SEMA3A: variants seen among roughly 807,000 people sequenced by gnomAD.
The protein encoded by SEMA3A is semaphorin 3A.
A neutral mutation model predicts 97.9 loss-of-function variants in SEMA3A; 29 were observed. The observed-to-expected ratio is 0.30, with a 90% CI of 0.22 to 0.40. The LOEUF (loss-of-function observed/expected upper bound fraction) is 0.40, where lower values mean the gene tolerates loss of function less well. Ranked by LOEUF, SEMA3A falls within the 10% of genes least tolerant of loss-of-function variation. The pLI is 1.00. For missense variants in SEMA3A, 763 were observed against 951.3 expected (o/e 0.80, Z 2.60); for synonymous variants, 321 against 323.7 (o/e 0.99, Z 0.09).
intron 3 of SEMA3A, among the ~76,000 whole-genome samples, chr7:84,256,298 AT>A (rs1353964081): frequency 2.6e-5 from 4 of 152,060 alleles, no homozygotes; most frequent in African/African-American, 9.7e-5. Context: ...AAGTTACATC[AT>A]TATTTAAAAG....
intron 2 of SEMA3A, among the ~76,000 whole-genome samples, chr7:84,347,103 A>C (rs1271578318): frequency 1.3e-5 from 2 of 152,234 alleles, no homozygotes; most frequent in African/African-American, 4.8e-5. Flanking sequence ...ACAAAATTGT[A>C]TAACTGCTTT....
intron 1 of SEMA3A, among the ~76,000 whole-genome samples, chr7:84,408,400 C>T (rs1299031908): frequency 1.3e-5 from 2 of 151,712 alleles, no homozygotes; most frequent in African/African-American, 4.8e-5. Flanking sequence ...ACAACAGGTG[C>T]TGGAGAGGAT....
chr7:84,399,609 TC>T, intron 1 of SEMA3A, among the ~76,000 whole-genome samples: 1 of 152,254 alleles, frequency 6.6e-6, no homozygotes, highest in African/African-American at 2.4e-5. Flanking sequence ...CCAGGGAGAA[TC>T]CCAAAGCCCC....
At chr7:84,373,089 A>T (rs1803011490) in intron 1 of SEMA3A, among the ~76,000 whole-genome samples, 1 of 152,188 alleles carries the variant, frequency 6.6e-6, no homozygotes, top group African/African-American at 2.4e-5. Context: ...TTTCAAAAGA[A>T]TGATGAAAAA....
At position 84,067,545 on chromosome 7, in the gene SEMA3A, G is replaced by T. The variant is rs530637328; in HGVS notation, c.454-6987C>A. On this transcript the variant is annotated intron_variant, in intron 4 of 16. Coordinates refer to ENST00000265362, the MANE Select transcript of SEMA3A (RefSeq NM_006080.3). ...TCATCTGACAAAGGGCTAATATCCA[G>T]AATCTACATTGAACTCAAACAAATT... Among the ~76,000 whole-genome samples the T allele has an allele frequency of 5.9e-3, 900 of 152,026 alleles. 5 individuals carry two copies. The highest frequency in any genetic ancestry group is 0.031 in the Middle Eastern group (9 of 292).
chr7:84,063,794 T>G (rs1408266566), intron 4 of SEMA3A, among the ~76,000 whole-genome samples: 9 of 149,366 alleles, frequency 6.0e-5, no homozygotes, highest in Admixed American at 6.0e-4. Flanking sequence ...TACGTCTGAT[T>G]GGTGTACCTG....
intron 2 of SEMA3A, among the ~76,000 whole-genome samples, chr7:84,348,851 G>T (rs532922589): frequency 1.3e-5 from 2 of 152,236 alleles, no homozygotes; most frequent in East Asian, 3.9e-4. Context: ...GGGCATGGTG[G>T]CAGGTGCCTG....
chr7:84,423,370 T>G (rs1804652581), intron 1 of SEMA3A, among the ~76,000 whole-genome samples: 1 of 152,076 alleles, frequency 6.6e-6, no homozygotes. Context: ...TTCTTAAAAA[T>G]ACTGGGCATA....
chr7:84,334,948 A>C (rs898632400), intron 2 of SEMA3A, among the ~76,000 whole-genome samples: 4 of 152,008 alleles, frequency 2.6e-5, no homozygotes, highest in South Asian at 2.1e-4. Context: ...CCTCAAAAAA[A>C]CAATAATGAT....
chr7:84,446,021 T>C (rs369648819), intron 1 of SEMA3A, among the ~76,000 whole-genome samples: 5 of 152,242 alleles, frequency 3.3e-5, no homozygotes, highest in East Asian at 3.9e-4. Context: ...AGTGTGGGAA[T>C]ATTATTACTA....
At chr7:83,974,481 A>G (rs1489548499) in intron 15 of SEMA3A, among the ~76,000 whole-genome samples, 1 of 152,184 alleles carries the variant, frequency 6.6e-6, no homozygotes, top group Non-Finnish European at 1.5e-5. Context: ...ATTTGGCTTC[A>G]TGTTGCTTAC....
intron 3 of SEMA3A, among the ~76,000 whole-genome samples, chr7:84,212,282 A>G (rs1223025852): frequency 6.6e-6 from 1 of 152,230 alleles, no homozygotes; most frequent in African/African-American, 2.4e-5. Flanking sequence ...TGAATTCACA[A>G]TGAAAGTGAA....
intron 2 of SEMA3A, among the ~76,000 whole-genome samples, chr7:84,326,101 A>T (rs201009206): frequency 6.6e-6 from 1 of 152,114 alleles, no homozygotes; most frequent in Non-Finnish European, 1.5e-5. Flanking sequence ...TTTCTGGCTA[A>T]ATAATATCCC....
intron 1 of SEMA3A, among the ~76,000 whole-genome samples, chr7:84,168,647 C>A (rs1300609127): frequency 6.6e-6 from 1 of 151,576 alleles, no homozygotes; most frequent in East Asian, 1.9e-4. Context: ...ATAAATGATG[C>A]CTATCTAGTT....
At chr7:84,250,530 C>T (rs563920870) in intron 3 of SEMA3A, among the ~76,000 whole-genome samples, 1 of 152,230 alleles carries the variant, frequency 6.6e-6, no homozygotes, top group Non-Finnish European at 1.5e-5. Context: ...TCTCTGTCTA[C>T]ATCTGTGTGG....
chr7:84,386,731 A>G (rs1375599828), intron 1 of SEMA3A, among the ~76,000 whole-genome samples: 3 of 152,086 alleles, frequency 2.0e-5, no homozygotes, highest in East Asian at 1.9e-4. Context: ...TATAAAGTCA[A>G]TTATGGGCCT....
At chr7:84,103,762 G>A (rs1795025553) in intron 4 of SEMA3A, among the ~76,000 whole-genome samples, 3 of 152,060 alleles carry the variant, frequency 2.0e-5, no homozygotes, top group African/African-American at 7.2e-5. Context: ...CATAGAACTA[G>A]AGTCGAGAGG....
At chr7:84,309,862 T>C (rs1340132856) in intron 2 of SEMA3A, among the ~76,000 whole-genome samples, 2 of 152,072 alleles carry the variant, frequency 1.3e-5, no homozygotes, top group African/African-American at 4.8e-5. Context: ...GAAACAGCAA[T>C]AAAGTCAGCA....
intron 1 of SEMA3A, among the ~76,000 whole-genome samples, chr7:84,441,348 A>G (rs1805269142): frequency 6.6e-6 from 1 of 151,850 alleles, no homozygotes; most frequent in South Asian, 2.1e-4. Flanking sequence ...AAAGAGATAG[A>G]AACTGTAAAA....
Sources: allele counts gnomAD v4.1 joint callset (sites outside exome capture counted in the v4.1 genomes callset), GRCh38; gene constraint gnomAD v4.1.1; transcripts MANE v1.5; gene names NCBI Gene and HGNC (gene_info 2026-07-23, HGNC 2026-07-21).